The following AMOT variants were observed in gnomAD, a reference collection of about 807,000 sequenced individuals.
AMOT encodes the protein angiomotin.
Under a neutral mutation model 67.0 loss-of-function variants are expected in AMOT, and 11 were observed. That is an observed-to-expected ratio of 0.16 (90% CI 0.10 to 0.27). The LOEUF is 0.27. AMOT is among the 10% of genes least tolerant of loss of function. AMOT has a pLI of 1.00. For synonymous variants in AMOT, 326 were observed against 321.4 expected (o/e 1.01, Z -0.15); for missense variants, 753 against 852.0 (o/e 0.88, Z 1.45).
intron 1 of AMOT, among the ~76,000 whole-genome samples, chrX:112,835,974 A>G (rs1935122011): frequency 8.9e-6 from 1 of 111,923 alleles, no homozygotes; most frequent in South Asian, 3.7e-4. Flanking sequence ...CATGGTGAAG[A>G]CCTCAGATGA....
At chrX:112,791,775 A>G in intron 9 of AMOT, 57 bp downstream of exon 9, 3 of 1,177,737 alleles carry the variant, frequency 2.5e-6, no homozygotes, top group Non-Finnish European at 3.4e-6. Flanking sequence ...ATAAGCAACC[A>G]GGAATAATGT....
intron 8 of AMOT, among the ~76,000 whole-genome samples, chrX:112,803,698 A>G (rs772736619): frequency 2.7e-5 from 3 of 112,364 alleles, no homozygotes; most frequent in Admixed American, 9.5e-5. Context: ...GAGGAAATTG[A>G]TAAGTTGGGA....
intron 6 of AMOT, among the ~76,000 whole-genome samples, chrX:112,810,859 C>CA (rs1464211572): frequency 9.2e-6 from 1 of 109,043 alleles, no homozygotes; most frequent in East Asian, 2.8e-4. Context: ...TAAAAGGAGT[C>CA]AGTCAGTCCT....
chrX:112,792,212 T>C (rs1276457691), intron 8 of AMOT, among the ~76,000 whole-genome samples: 1 of 112,149 alleles, frequency 8.9e-6, no homozygotes, highest in Non-Finnish European at 1.9e-5. Flanking sequence ...ACCTCTTCCT[T>C]CTTCCCTATC....
intron 8 of AMOT, among the ~76,000 whole-genome samples, chrX:112,804,536 GT>G (rs1490016939): frequency 9.0e-6 from 1 of 111,587 alleles, no homozygotes; most frequent in Non-Finnish European, 1.9e-5. Context: ...GTTTTATAAA[GT>G]TTTAAAATAC....
At chrX:112,781,633 T>C in intron 11 of AMOT, among the ~76,000 whole-genome samples, 1 of 109,979 alleles carries the variant, frequency 9.1e-6, no homozygotes, top group Non-Finnish European at 1.9e-5. Flanking sequence ...CACACCCAAA[T>C]GGATACAGCA....
chrX:112,829,879 A>G (rs1934944194), intron 2 of AMOT, among the ~76,000 whole-genome samples: 1 of 112,033 alleles, frequency 8.9e-6, no homozygotes, highest in Non-Finnish European at 1.9e-5. Flanking sequence ...CTCCCAGCAC[A>G]CACATCCATT....
intron 8 of AMOT, among the ~76,000 whole-genome samples, chrX:112,795,516 T>C (rs1239745766): frequency 9.0e-6 from 1 of 111,460 alleles, no homozygotes; most frequent in Non-Finnish European, 1.9e-5. Context: ...GCCATGTCCA[T>C]TGATTTTGTC....
chrX:112,804,898 T>TTGCCCCCCCCCCCCCCCC, intron 8 of AMOT, 49 bp downstream of exon 8: 4 of 837,577 alleles, frequency 4.8e-6, no homozygotes, highest in Non-Finnish European at 6.9e-6. Context: ...GTCCCCGATT[T>TTGCCCCCCCCCCCCCCCC]CCCAGCCCTC....
chrX:112,829,974 C>G (rs1934947256), intron 2 of AMOT, among the ~76,000 whole-genome samples: 1 of 111,645 alleles, frequency 9.0e-6, no homozygotes, highest in African/African-American at 3.3e-5. Flanking sequence ...TTAGATGGAG[C>G]CTAAAATGAG....
chrX:112,809,118 G>A (rs1038794007), intron 7 of AMOT, among the ~76,000 whole-genome samples: 3 of 111,559 alleles, frequency 2.7e-5, no homozygotes, highest in Non-Finnish European at 5.7e-5. Context: ...GGAGACTGGG[G>A]GTAGAGGAAA....
intron 10 of AMOT, among the ~76,000 whole-genome samples, chrX:112,787,098 G>A (rs5974280): frequency 0.23 from 25,967 of 110,759 alleles, 2,954 homozygotes; most frequent in African/African-American, 0.44. Context: ...AGGTTTTCAC[G>A]CTCTGATCTT....
At position 112,779,467 on chromosome X, in the gene AMOT, ATGGCGGCAGCAG is replaced by A. The variant is rs755738757; in HGVS notation, c.2675_2686del (p.Thr892_Ala895del). The A allele has an allele frequency of 5.3e-5, 64 of 1,202,376 alleles. No homozygotes were observed. Among genetic ancestry groups the A allele is most frequent in the Middle Eastern group, 4.6e-4 (2 of 4,312 alleles). Reference sequence around the variant, plus strand: ...GGTGATGGTGGCAGCAGTGGCAGTGATGGCGGCAGCAGTGGCGGCAGCAGCAACTGGAGCAGG... The same window carrying A: ...GGTGATGGTGGCAGCAGTGGCAGTGATGGCGGCAGCAGCAACTGGAGCAGG... On this transcript the variant is annotated inframe_deletion, in exon 13 of 14. Transcript: ENST00000371959.
intron 7 of AMOT, among the ~76,000 whole-genome samples, chrX:112,806,313 A>C (rs1291178998): frequency 9.6e-6 from 1 of 104,337 alleles, no homozygotes; most frequent in Non-Finnish European, 1.9e-5. Flanking sequence ...TTGTGTGCTT[A>C]CACACACACG....
intron 1 of AMOT, among the ~76,000 whole-genome samples, chrX:112,832,818 T>A (rs1281910865): frequency 8.9e-6 from 1 of 111,763 alleles, no homozygotes; most frequent in African/African-American, 3.3e-5. Context: ...GGTTTTTGTG[T>A]CTGAGTGGGG....
chrX:112,822,493 T>C lies in AMOT; in HGVS notation c.634A>G (p.Thr212Ala). ...PQPNDLYKNP[T>A]SSSEFYKAQG... ...GCCTTGTAGAATTCACTGGAACTTG[T>C]GGGATTCTTGTAGAGGTCATTGGGT... The change falls in exon 4 of 14, where the codon ACA becomes GCA. Residue 212 changes from threonine (T) to alanine (A), a missense_variant. Around this residue, in one of 5 missense-constraint regions of AMOT, gnomAD observed 297 missense variants for 284.3 expected, o/e 1.04. Transcript: ENST00000371959. 1 of 1,167,614 alleles carries C rather than the reference T, an allele frequency of 8.6e-7. No individual in the cohort carries two copies.
rs1371508030 is a variant in AMOT at position 112,807,696 on chromosome X, TAGA to T, written c.1630+2195_1630+2197del. Among the ~76,000 whole-genome samples the T allele has an allele frequency of 7.1e-5, 8 of 111,968 alleles. No individual in the cohort carries two copies. In the South Asian group the frequency reaches 1.1e-3, roughly 16 times the overall value. ...CAATATTTGTAAGGATCAAATGAGA[TAGA>T]AGATTTATTTAAGTGAAAGAAATGT... On this transcript the variant is annotated intron_variant, in intron 7 of 13. Coordinates refer to ENST00000371959, the MANE Select transcript of AMOT (RefSeq NM_001113490.2).
chrX:112,815,685 A>T lies in AMOT; in HGVS notation c.1065T>A (p.His355Gln). The change falls in exon 5 of 14, where the codon CAT (histidine) becomes CAA (glutamine). Residue 355 changes from histidine to glutamine, a missense_variant. Around this residue, in one of 5 missense-constraint regions of AMOT, gnomAD observed 297 missense variants for 284.3 expected, o/e 1.04. Transcript: ENST00000371959. Reference protein sequence around the residue: ...HSAHLPRPQQHFLPNQAHQGD... With the variant: ...HSAHLPRPQQQFLPNQAHQGD... ...CCTGGTGAGCCTGATTAGGAAGGAAATGCTGCTGCGGCCTAGGCAGGTGAG... is the reference window on the plus strand; with the variant it reads ...CCTGGTGAGCCTGATTAGGAAGGAATTGCTGCTGCGGCCTAGGCAGGTGAG... 1 of 1,172,044 alleles carries T rather than the reference A, an allele frequency of 8.5e-7. No homozygotes were observed. Among genetic ancestry groups the T allele is most frequent in the East Asian group, 3.2e-5 (1 of 30,885 alleles).
intron 4 of AMOT, among the ~76,000 whole-genome samples, chrX:112,820,259 C>T (rs1934678369): frequency 9.0e-6 from 1 of 111,667 alleles, no homozygotes; most frequent in Non-Finnish European, 1.9e-5. Flanking sequence ...TGCTGCTCAA[C>T]AAGGGTAGAT....
Sources: gnomAD v4.1 joint callset for allele counts (sites outside exome capture counted in the v4.1 genomes callset) on GRCh38, gnomAD v4.1.1 for gene constraint, gnomAD v4.1.1 regional missense constraint, MANE v1.5 for transcripts, NCBI Gene and HGNC (gene_info 2026-07-23, HGNC 2026-07-21) for gene names.